Variants in TRAF3 observed in about 807,000 individuals in gnomAD.
The protein encoded by TRAF3 is TNF receptor-associated factor 3.
A neutral mutation model predicts 62.3 loss-of-function variants in TRAF3; 13 were observed. The ratio of observed to expected loss-of-function variants is 0.21; its 90% CI spans 0.14 to 0.33. The LOEUF is 0.33. Among genes scored for constraint, TRAF3 ranks in the 10% least tolerant of loss-of-function variants. The pLI, the probability that TRAF3 is intolerant of heterozygous loss-of-function variation, is 1.00. For missense variants in TRAF3, 440 were observed against 741.8 expected, an observed-to-expected ratio of 0.59 and a Z score of 4.73; for synonymous variants, 269 against 283.4, an observed-to-expected ratio of 0.95 and a Z score of 0.51.
At chr14:102,875,913 T>C (rs1193258007) in intron 5 of TRAF3, among the ~76,000 whole-genome samples, 185 bp downstream of exon 5, 2 of 152,202 alleles carry the variant, frequency 1.3e-5, no homozygotes, top group East Asian at 3.8e-4. Flanking sequence ...TATGACATCA[T>C]TGGCAGAATT....
chr14:102,804,709 A>G (rs775661062), intron 1 of TRAF3, among the ~76,000 whole-genome samples: 2 of 151,456 alleles, frequency 1.3e-5, no homozygotes, highest in Non-Finnish European at 2.9e-5. Flanking sequence ...CTGGTCTTGA[A>G]CTCCTGGCCT....
chr14:102,886,292 G>T, intron 7 of TRAF3, 23 bp downstream of exon 7: 4 of 1,596,424 alleles, frequency 2.5e-6, no homozygotes, highest in Non-Finnish European at 3.4e-6. Flanking sequence ...GGGCCCGGCC[G>T]GGAGTCTGTG....
chr14:102,863,807 C>G (rs9671694), intron 2 of TRAF3, among the ~76,000 whole-genome samples: 38,219 of 152,158 alleles, frequency 0.25, 5,856 homozygotes, highest in Non-Finnish European at 0.35. Context: ...CCATCTTTCC[C>G]TAGTAGATGC....
intron 2 of TRAF3, among the ~76,000 whole-genome samples, chr14:102,847,465 C>T (rs993215140): frequency 4.6e-5 from 7 of 152,144 alleles, no homozygotes; most frequent in Non-Finnish European, 7.3e-5. Flanking sequence ...TGAGCCACTG[C>T]GCCTGGCCTT....
At chr14:102,777,851 G>A (rs974198195) in intron 1 of TRAF3, among the ~76,000 whole-genome samples, 176 bp downstream of exon 1, 1 of 147,188 alleles carries the variant, frequency 6.8e-6, no homozygotes, top group South Asian at 2.1e-4. Flanking sequence ...CGCGGCTTCA[G>A]CCTGGCCCCG....
chr14:102,880,954 G>C (rs940641513), intron 6 of TRAF3, among the ~76,000 whole-genome samples: 1 of 152,122 alleles, frequency 6.6e-6, no homozygotes, highest in African/African-American at 2.4e-5. Flanking sequence ...GCAGGTGCCT[G>C]TAATCGCAGG....
intron 1 of TRAF3, among the ~76,000 whole-genome samples, chr14:102,789,317 A>C (rs925774267): frequency 2.6e-5 from 4 of 152,222 alleles, no homozygotes; most frequent in Admixed American, 6.5e-5. Context: ...ATGCTGCTAT[A>C]AACATTTGTG....
intron 10 of TRAF3, among the ~76,000 whole-genome samples, chr14:102,900,203 A>AAAAAAG (rs775030784): frequency 9.7e-5 from 14 of 143,978 alleles, no homozygotes; most frequent in Non-Finnish European, 1.4e-4. Flanking sequence ...AAAAAAAAAA[A>AAAAAAG]GACAGCCTAG....
intron 1 of TRAF3, among the ~76,000 whole-genome samples, chr14:102,789,469 T>TG (rs34651747): frequency 0.53 from 80,889 of 151,926 alleles, 23,744 homozygotes; most frequent in Middle Eastern, 0.73. Context: ...AAATTTATTT[T>TG]TTTTGTTTTG....
intron 7 of TRAF3, among the ~76,000 whole-genome samples, chr14:102,888,316 G>A (rs578126276): frequency 2.6e-5 from 4 of 152,320 alleles, no homozygotes; most frequent in Non-Finnish European, 4.4e-5. Context: ...CAGCAAGGGC[G>A]TCAGGCTGCC....
At chr14:102,819,374 C>T (rs2139566710) in intron 1 of TRAF3, among the ~76,000 whole-genome samples, 1 of 152,336 alleles carries the variant, frequency 6.6e-6, no homozygotes, top group Middle Eastern at 3.4e-3. Context: ...TGAGCCGGAG[C>T]ACTTGTTTGT....
At chr14:102,878,889 T>G (rs950627614) in intron 6 of TRAF3, among the ~76,000 whole-genome samples, 2 of 149,768 alleles carry the variant, frequency 1.3e-5, no homozygotes, top group Admixed American at 1.3e-4. Context: ...GTTGCTGGGG[T>G]GGGGGAAGGT....
At chr14:102,832,477 CAGCCTG>C (rs1037489357) in intron 2 of TRAF3, among the ~76,000 whole-genome samples, 4 of 151,744 alleles carry the variant, frequency 2.6e-5, no homozygotes, top group African/African-American at 4.8e-5. Context: ...AGTTCGAGAC[CAGCCTG>C]GTCAACATGG....
intron 1 of TRAF3, among the ~76,000 whole-genome samples, chr14:102,824,294 C>T (rs890013971): frequency 6.6e-6 from 1 of 152,214 alleles, no homozygotes; most frequent in Non-Finnish European, 1.5e-5. Context: ...GAGAAACAGG[C>T]AGAATTGCAG....
intron 2 of TRAF3, among the ~76,000 whole-genome samples, chr14:102,851,877 A>G (rs1242049252): frequency 6.6e-6 from 1 of 152,060 alleles, no homozygotes; most frequent in Non-Finnish European, 1.5e-5. Context: ...CAACATGGCG[A>G]GACCCTGTCT....
At chr14:102,894,820 C>T (rs1178975259) in intron 9 of TRAF3, among the ~76,000 whole-genome samples, 1 of 152,136 alleles carries the variant, frequency 6.6e-6, no homozygotes, top group Non-Finnish European at 1.5e-5. Context: ...CATCCAGCCT[C>T]CCCAGTAGCT....
chr14:102,821,196 T>A (rs907949640), intron 1 of TRAF3, among the ~76,000 whole-genome samples: 1 of 152,212 alleles, frequency 6.6e-6, no homozygotes. Flanking sequence ...ATATTAAAGA[T>A]TGTTCTTTTA....
intron 8 of TRAF3, 119 bp downstream of exon 8, chr14:102,889,753 C>A: frequency 7.9e-7 from 1 of 1,257,918 alleles, no homozygotes; most frequent in Non-Finnish European, 1.1e-6. Context: ...GAAACTGAAA[C>A]ACCCTGTTGC....
chr14:102,790,968 A>C, intron 1 of TRAF3, among the ~76,000 whole-genome samples: 1 of 151,882 alleles, frequency 6.6e-6, no homozygotes, highest in East Asian at 1.9e-4. Flanking sequence ...GGGGGGTTGC[A>C]ATCTTAACAG....
Sources: gnomAD v4.1 joint callset for allele counts (sites outside exome capture counted in the v4.1 genomes callset) on GRCh38, gnomAD v4.1.1 for gene constraint, MANE v1.5 for transcripts, NCBI Gene and HGNC (gene_info 2026-07-23, HGNC 2026-07-21) for gene names.